Variants in FANCB observed in about 807,000 individuals in gnomAD.
The protein encoded by FANCB is Fanconi anemia group B protein.
A neutral mutation model predicts 38.9 loss-of-function variants in FANCB; 5 were observed. That is an observed-to-expected ratio of 0.13 (90% CI 0.07 to 0.27). FANCB has a LOEUF of 0.27. Among genes scored for constraint, FANCB ranks in the 10% least tolerant of loss-of-function variants. FANCB has a pLI of 1.00. For synonymous variants in FANCB, 236 were observed against 215.4 expected, an observed-to-expected ratio of 1.10 and a Z score of -0.84; for missense variants, 573 against 602.7, an observed-to-expected ratio of 0.95 and a Z score of 0.52.
chrX:14,696,791 G>T, the FANCB span, among the ~76,000 whole-genome samples: 4 of 112,140 alleles, frequency 3.6e-5, no homozygotes, highest in Admixed American at 3.8e-4. Context: ...ATGTTTTAGA[G>T]ATGCCAGTTG....
Position 14,864,541 on chromosome X carries a change from A to G in FANCB, c.951+19T>C. ...GTCTGAGACCACCAACTGAATTATT[A>G]TTACAATAAGTGTTGTACCTGAAAG... On this transcript the variant is annotated intron_variant, in intron 3 of 9. Coordinates refer to ENST00000650831, the MANE Select transcript of FANCB (RefSeq NM_001018113.3). The G allele has an allele frequency of 2.0e-6, 2 of 1,010,256 alleles. No homozygotes were observed. The highest frequency in any genetic ancestry group is 2.8e-6 in the Non-Finnish European group (2 of 711,673). The allele number at this position is 1,010,256 out of a possible 1,213,427, so 83.3% of individuals were successfully genotyped here.
At chrX:14,839,179 G>A (rs1273805251), downstream of FANCB, among the ~76,000 whole-genome samples, 1 of 110,686 alleles carries the variant, frequency 9.0e-6, no homozygotes, top group Non-Finnish European at 1.9e-5. Context: ...CTGTAGTCCC[G>A]GCTACTTGGG....
the FANCB span, among the ~76,000 whole-genome samples, chrX:14,783,137 G>T: frequency 9.5e-3 from 1,060 of 111,721 alleles, 6 homozygotes; most frequent in African/African-American, 0.032. Flanking sequence ...TAAAATCAAA[G>T]ATTTTCTATA....
chrX:14,721,254 T>G, the FANCB span, among the ~76,000 whole-genome samples: 1 of 111,288 alleles, frequency 9.0e-6, no homozygotes, highest in Non-Finnish European at 1.9e-5. Context: ...TTTAGAGATG[T>G]ATTGCATAGC....
the FANCB span, among the ~76,000 whole-genome samples, chrX:14,708,957 A>G: frequency 9.4e-6 from 1 of 106,654 alleles, no homozygotes; most frequent in East Asian, 2.8e-4. Context: ...GAAAAAAAAA[A>G]GAGAGAGAGA....
the FANCB span, among the ~76,000 whole-genome samples, chrX:14,817,802 T>C: frequency 9.0e-6 from 1 of 111,506 alleles, no homozygotes; most frequent in Non-Finnish European, 1.9e-5. Flanking sequence ...CAATGCACTT[T>C]AGGGATTACC....
chrX:14,751,187 T>A, the FANCB span, among the ~76,000 whole-genome samples: 490 of 112,242 alleles, frequency 4.4e-3, 4 homozygotes, highest in African/African-American at 0.015. Flanking sequence ...AAAAGTTAAG[T>A]ACCAGAATGT....
chrX:14,796,281 G>C, the FANCB span, among the ~76,000 whole-genome samples: 2 of 108,795 alleles, frequency 1.8e-5, no homozygotes, highest in African/African-American at 3.3e-5. Flanking sequence ...CTGAAGGCTT[G>C]ACTGGGGTTT....
chrX:14,721,654 C>G, the FANCB span, among the ~76,000 whole-genome samples: 1 of 111,169 alleles, frequency 9.0e-6, no homozygotes, highest in African/African-American at 3.3e-5. Context: ...ACAGTCCCAC[C>G]CTGTATATGA....
At chrX:14,723,077 T>A in the FANCB span, among the ~76,000 whole-genome samples, 1 of 112,344 alleles carries the variant, frequency 8.9e-6, no homozygotes, top group Non-Finnish European at 1.9e-5. Context: ...AGTCATGCAT[T>A]AAAATATAAC....
In FANCB at chrX:14,843,872, T is replaced by C. The variant is rs1187327084; in HGVS notation, c.2275A>G (p.Met759Val). The change falls in exon 10 of 10, where the codon ATG becomes GTG. Residue 759 changes from methionine (M) to valine (V), a missense_variant. Transcript: ENST00000650831. ...SGSENFLIDN[M>V]AFTLEKELVT... ...AGTTCCTTCTCCAAAGTAAATGCCA[T>C]ATTATCAATTAGGAAATTCTCACTT... The C allele has an allele frequency of 6.6e-6, 8 of 1,207,568 alleles. No individual in the cohort carries two copies. Among genetic ancestry groups the C allele is most frequent in the Non-Finnish European group, 9.0e-6 (8 of 892,758 alleles).
chrX:14,809,543 C>T, the FANCB span, among the ~76,000 whole-genome samples: 3 of 112,121 alleles, frequency 2.7e-5, no homozygotes, highest in East Asian at 2.8e-4. Flanking sequence ...GCACCTGTCT[C>T]GGAGGGTCCT....
chrX:14,775,738 T>C, the FANCB span, among the ~76,000 whole-genome samples: 3 of 111,929 alleles, frequency 2.7e-5, no homozygotes, highest in African/African-American at 6.5e-5. Context: ...GATCCAGATA[T>C]AGTGATCAGA....
chrX:14,713,523 T>C, the FANCB span, among the ~76,000 whole-genome samples: 1 of 112,290 alleles, frequency 8.9e-6, no homozygotes, highest in Non-Finnish European at 1.9e-5. Flanking sequence ...AATAAAAACA[T>C]TTCTGCTTGA....
the FANCB span, among the ~76,000 whole-genome samples, chrX:14,734,919 GT>G: frequency 5.3e-3 from 506 of 96,349 alleles, 1 homozygote; most frequent in African/African-American, 0.017. Flanking sequence ...GCTTTGTTCG[GT>G]TTTTTTTTTT....
chrX:14,751,467 G>A, the FANCB span, among the ~76,000 whole-genome samples: 349 of 111,996 alleles, frequency 3.1e-3, 1 homozygote, highest in African/African-American at 0.01. Context: ...ATGATTGATC[G>A]TTACCCTTGG....
At chrX:14,810,547 A>G in the FANCB span, among the ~76,000 whole-genome samples, 52,231 of 110,898 alleles carry the variant, frequency 0.47, 9,521 homozygotes, top group Non-Finnish European at 0.58. Flanking sequence ...GACACGATCA[A>G]CTGGAAGAAA....
chrX:14,696,458 T>C, the FANCB span, among the ~76,000 whole-genome samples: 1 of 111,899 alleles, frequency 8.9e-6, no homozygotes, highest in East Asian at 2.8e-4. Flanking sequence ...AAAAAATTAT[T>C]GACAGCAAGG....
At chrX:14,853,418 T>C (rs913390071) in intron 5 of FANCB, among the ~76,000 whole-genome samples, 1 of 111,506 alleles carries the variant, frequency 9.0e-6, no homozygotes, top group African/African-American at 3.3e-5. Flanking sequence ...ATTGAGAGAG[T>C]GGCAATATAT....
Sources: allele counts gnomAD v4.1 joint callset (sites outside exome capture counted in the v4.1 genomes callset), GRCh38; gene constraint gnomAD v4.1.1; transcripts MANE v1.5; gene names NCBI Gene and HGNC (gene_info 2026-07-23, HGNC 2026-07-21).